The following PLA2G4C variants were observed in gnomAD, a reference collection of about 807,000 sequenced individuals.
PLA2G4C encodes the protein phospholipase A2 group IVC, also known as cytosolic phospholipase A2 gamma.
In PLA2G4C, 64 loss-of-function variants were observed where a neutral mutation model predicts 73.8. The observed-to-expected ratio is 0.87, with a 90% CI of 0.71 to 1.07. The LOEUF (loss-of-function observed/expected upper bound fraction) is 1.07. Among genes scored for constraint, PLA2G4C ranks in the 50% least tolerant of loss-of-function variants. The probability of loss-of-function intolerance (pLI) is 0.00; values close to 1 mark genes in which losing one functional copy is unlikely to be tolerated. For missense variants in PLA2G4C, 622 were observed against 665.4 expected (o/e 0.93, Z 0.72); for synonymous variants, 254 against 252.1 (o/e 1.01, Z -0.07).
At chr19:48,096,172 A>T (rs1211522560) in intron 6 of PLA2G4C, among the ~76,000 whole-genome samples, 4 of 151,938 alleles carry the variant, frequency 2.6e-5, no homozygotes, top group Non-Finnish European at 5.9e-5. Flanking sequence ...GAAAATGAGG[A>T]GGGGGTGATT....
At chr19:48,107,608 A>T (rs959513831) in intron 1 of PLA2G4C, among the ~76,000 whole-genome samples, 1 of 152,036 alleles carries the variant, frequency 6.6e-6, no homozygotes, top group Non-Finnish European at 1.5e-5. Context: ...CAGGAAAGGG[A>T]GTCTCCCTTT....
chr19:48,075,398 G>T (rs891278673), intron 11 of PLA2G4C, among the ~76,000 whole-genome samples: 16 of 151,858 alleles, frequency 1.1e-4, no homozygotes, highest in South Asian at 1.0e-3. Context: ...TGTTGGCCAG[G>T]CTGGTCTCGA....
At chr19:48,064,445 C>A (rs199569855) in intron 13 of PLA2G4C, among the ~76,000 whole-genome samples, 56 of 135,192 alleles carry the variant, frequency 4.1e-4, no homozygotes, top group Non-Finnish European at 7.5e-4. Flanking sequence ...AAAAAAAAAA[C>A]CAAAAACCAT....
intron 4 of PLA2G4C, among the ~76,000 whole-genome samples, chr19:48,101,100 G>A (rs2031885592): frequency 7.9e-6 from 1 of 126,086 alleles, no homozygotes; most frequent in Admixed American, 8.8e-5. Context: ...GTGTCACATA[G>A]AGTCTATATA....
At chr19:48,108,429 C>T (rs963172268) in intron 1 of PLA2G4C, among the ~76,000 whole-genome samples, 1 of 152,162 alleles carries the variant, frequency 6.6e-6, no homozygotes, top group African/African-American at 2.4e-5. Context: ...AGCTACCACA[C>T]CCCACTAAAA....
chr19:48,093,062 T>C (rs2031393592), intron 7 of PLA2G4C, among the ~76,000 whole-genome samples: 1 of 152,012 alleles, frequency 6.6e-6, no homozygotes, highest in South Asian at 2.1e-4. Flanking sequence ...GGAGTGACAA[T>C]TTCAAAATCT....
rs1372371236 is a variant in PLA2G4C, at chr19:48,101,029, G to A, written c.258-1169C>T. ...GGTTTATTTAGCTCACAGTTCTGCA[G>A]GCTGTACAAGAAGCATGGTGCAAAA... On this transcript the variant is annotated intron_variant, in intron 4 of 16. Coordinates refer to ENST00000599921, the MANE Select transcript of PLA2G4C (RefSeq NM_003706.3). Among the ~76,000 whole-genome samples the A allele has an allele frequency of 2.4e-4, 36 of 147,830 alleles. No individual in the cohort carries two copies. The East Asian group carries it at 6.4e-3, about 26-fold the overall frequency.
intron 11 of PLA2G4C, among the ~76,000 whole-genome samples, chr19:48,076,646 G>A (rs2030176904): frequency 6.6e-6 from 1 of 152,024 alleles, no homozygotes; most frequent in Non-Finnish European, 1.5e-5. Context: ...AGGAGTCTGG[G>A]GCAGGAGAAT....
At chr19:48,100,379 C>T (rs1271839769) in intron 4 of PLA2G4C, among the ~76,000 whole-genome samples, 1 of 150,580 alleles carries the variant, frequency 6.6e-6, no homozygotes. Context: ...ATTAGCCAGG[C>T]GTGGTGGCAT....
At chr19:48,058,009 A>AT (rs927559836) in intron 14 of PLA2G4C, among the ~76,000 whole-genome samples, 6 of 136,612 alleles carry the variant, frequency 4.4e-5, no homozygotes, top group African/African-American at 1.5e-4. Context: ...ATCAAAAAAA[A>AT]TTTTTTTGGC....
intron 15 of PLA2G4C, among the ~76,000 whole-genome samples, chr19:48,054,476 T>TA (rs971544878): frequency 2.5e-4 from 37 of 150,770 alleles, no homozygotes; most frequent in African/African-American, 7.3e-4. Context: ...GCAATTTATT[T>TA]TTTTTTGTTG....
chr19:48,068,018 T>C, intron 12 of PLA2G4C, 132 bp from the exon 13 acceptor site: 1 of 721,844 alleles, frequency 1.4e-6, no homozygotes, highest in South Asian at 1.6e-5. Context: ...AAAGAGGTCA[T>C]TCAGGGCCGG....
rs150318529 is a variant in PLA2G4C, at chr19:48,104,759, G to A, written c.121-35C>T. On this transcript the variant is annotated intron_variant, in intron 3 of 16. Transcript: ENST00000599921. ...GGGGAGAAAATCGATCAGAGGTTTA[G>A]AGCCTGAGGATGGAGGTGGGAACAA... The A allele has an allele frequency of 5.6e-4, 895 of 1,609,608 alleles. 1 individual carries two copies. The highest frequency in any genetic ancestry group is 1.7e-3 in the South Asian group (151 of 90,718).
At chr19:48,076,741 T>C (rs2030184844) in intron 11 of PLA2G4C, among the ~76,000 whole-genome samples, 1 of 137,836 alleles carries the variant, frequency 7.3e-6, no homozygotes, top group East Asian at 2.1e-4. Context: ...AGACTCTGTC[T>C]CCAAAAAAAA....
chr19:48,079,531 A>AC (rs1220509184), intron 10 of PLA2G4C, among the ~76,000 whole-genome samples: 2 of 152,186 alleles, frequency 1.3e-5, no homozygotes, highest in African/African-American at 4.8e-5. Flanking sequence ...TCACAAATTC[A>AC]ATGTGAATTT....
chr19:48,093,758 T>C (rs2031430091), intron 7 of PLA2G4C, among the ~76,000 whole-genome samples: 1 of 152,054 alleles, frequency 6.6e-6, no homozygotes, highest in African/African-American at 2.4e-5. Flanking sequence ...ATCTCTCGAG[T>C]TGTAATCCCC....
rs1011057675 is a variant in PLA2G4C at position 48,055,406 on chromosome 19, T to C, written c.1258-357A>G. Among the ~76,000 whole-genome samples, 35 of 148,918 alleles carry C rather than the reference T, an allele frequency of 2.4e-4. 1 individual carries two copies. The highest frequency in any genetic ancestry group is 8.6e-4 in the African/African-American group (34 of 39,586). On this transcript the variant is annotated intron_variant, in intron 14 of 16. Transcript: ENST00000599921. ...TCTCTACAGTATATATATATATATA[T>C]ATATTTCAATTAGCCAGGCATGGGG... is the stretch of plus-strand genomic sequence containing the variant.
intron 16 of PLA2G4C, among the ~76,000 whole-genome samples, chr19:48,048,814 C>T (rs1427929132): frequency 1.3e-5 from 2 of 152,278 alleles, no homozygotes; most frequent in South Asian, 2.1e-4. Flanking sequence ...TTTGGAAATT[C>T]GTCCCCTCCA....
chr19:48,057,477 CTTCTTCTTTTTTTTT>C (rs1406706379), intron 14 of PLA2G4C, among the ~76,000 whole-genome samples: 860 of 16,828 alleles, frequency 0.051, 12 homozygotes, highest in African/African-American at 0.15. Context: ...TCTTCTTCTT[CTTCTTCTTTTTTTTT>C]TTTTTTTTTT....
Sources: allele counts gnomAD v4.1 joint callset (sites outside exome capture counted in the v4.1 genomes callset), GRCh38; gene constraint gnomAD v4.1.1; transcripts MANE v1.5; gene names NCBI Gene and HGNC (gene_info 2026-07-23, HGNC 2026-07-21).